CIART: variants seen among roughly 807,000 people sequenced by gnomAD.
The protein encoded by CIART is circadian associated repressor of transcription.
Under a neutral mutation model 22.1 loss-of-function variants are expected in CIART, and 7 were observed. That is an observed-to-expected ratio of 0.32 (90% CI 0.18 to 0.59). The LOEUF is 0.59. Among genes scored for constraint, CIART ranks in the 20% least tolerant of loss-of-function variants. The pLI is 0.86. For synonymous variants in CIART, 163 were observed against 174.6 expected (o/e 0.93, Z 0.53); for missense variants, 440 against 478.0 (o/e 0.92, Z 0.74).
At position 150,283,368 on chromosome 1, in the gene CIART, G is replaced by A; in HGVS notation, c.101G>A (p.Ser34Asn). 2 of 1,599,396 alleles carry A rather than the reference G, an allele frequency of 1.3e-6. No homozygotes were observed. Among genetic ancestry groups the A allele is most frequent in the African/African-American group, 1.3e-5 (1 of 74,470 alleles). ...VNSDFGFPSD[S>N]EREDKGAHGP... is the part of the protein sequence containing the mutation. Reference sequence around the variant, plus strand: ...AGTGACTTTGGCTTCCCCTCTGATAGTGAGAGGGAGGACAAGGGGGCCCAT... The same window carrying A: ...AGTGACTTTGGCTTCCCCTCTGATAATGAGAGGGAGGACAAGGGGGCCCAT... The change falls in exon 1 of 5, where the codon AGT becomes AAT. Residue 34 changes from serine (S) to asparagine (N), a missense_variant. Physicochemically the swap from Ser to Asn is conservative, Grantham distance 46. Transcript: ENST00000290363.
At position 150,283,257 on chromosome 1, in the gene CIART, C is replaced by T; in HGVS notation, c.-11C>T. On this transcript the variant is annotated 5_prime_UTR_variant, in exon 1 of 5. Transcript: ENST00000290363. Reference sequence around the variant, plus strand: ...TCCAGGAGCTGTTCTATAGCCCCTGCTTCTGGACCTATGGATTCTCCATCT... The same window carrying T: ...TCCAGGAGCTGTTCTATAGCCCCTGTTTCTGGACCTATGGATTCTCCATCT... The T allele has an allele frequency of 6.6e-7, 1 of 1,514,802 alleles. No individual in the cohort carries two copies. Among genetic ancestry groups the T allele is most frequent in the African/African-American group, 1.4e-5 (1 of 71,696 alleles). The allele number at this position is 1,514,802 out of a possible 1,614,324, so 93.8% of individuals were successfully genotyped here.
rs1553853937 is a variant in CIART at position 150,283,442 on chromosome 1, C to A, written c.175C>A (p.Pro59Thr). The change falls in exon 1 of 5, where the codon CCG becomes ACG. Residue 59 changes from proline to threonine, a missense_variant. By Grantham distance (38) the Pro-to-Thr change is conservative (BLOSUM62 -1). Coordinates refer to ENST00000290363, the MANE Select transcript of CIART (RefSeq NM_144697.4). Reference sequence around the variant, plus strand: ...GCAGAGGGGAGGTTCACGGCCCAGCCCGGGTCCTATCCGCTGCAGGCATCG... The same window carrying A: ...GCAGAGGGGAGGTTCACGGCCCAGCACGGGTCCTATCCGCTGCAGGCATCG... ...VGQRGGSRPS[P>T]GPIRCRHRSK... 6.2e-7 allele frequency: 1 copy of A among 1,614,220 alleles called. No individual in the cohort carries two copies. Among genetic ancestry groups the A allele is most frequent in the South Asian group, 1.1e-5 (1 of 91,084 alleles).
intron 4 of CIART, among the ~76,000 whole-genome samples, chr1:150,286,077 G>A (rs2101893923): frequency 6.9e-6 from 1 of 145,088 alleles, no homozygotes; most frequent in African/African-American, 2.6e-5. Flanking sequence ...CAGAATTTGG[G>A]AAATGATGAT....
At chr1:150,285,124 G>GCC in intron 4 of CIART, 1 of 224,332 alleles carries the variant, frequency 4.5e-6, no homozygotes. Context: ...CAAACCCTTT[G>GCC]ACAGTTTTTG....
Position 150,283,318 on chromosome 1 carries a change from G to A in CIART, c.51G>A (p.Ser17=), listed in dbSNP as rs144127987. ...VSSYSSYSLS[S]SFPTSPVNSD... ...CCTATTCCTCCTACTCTCTCTCTTCGTCTTTTCCCACCTCCCCAGTGAACA... is the reference window on the plus strand; with the variant it reads ...CCTATTCCTCCTACTCTCTCTCTTCATCTTTTCCCACCTCCCCAGTGAACA... The change falls in exon 1 of 5, where the codon TCG becomes TCA. Residue 17 remains serine, a synonymous_variant. Transcript: ENST00000290363. 114 of 1,541,690 alleles carry A rather than the reference G, an allele frequency of 7.4e-5. No homozygotes were observed. The highest frequency in any genetic ancestry group is 9.6e-5 in the Non-Finnish European group (110 of 1,146,944).
chr1:150,285,067 A>C, intron 4 of CIART: 2 of 249,016 alleles, frequency 8.0e-6, no homozygotes, highest in Non-Finnish European at 7.8e-6. Context: ...CTGCCCCCAA[A>C]CCCTTCCCTT....
Position 150,287,048 on chromosome 1 carries a change from G to T in CIART, c.*94G>T. The T allele has an allele frequency of 8.2e-7, 1 of 1,225,072 alleles. No homozygotes were observed. Among genetic ancestry groups the T allele is most frequent in the South Asian group, 2.1e-5 (1 of 47,842 alleles). 75.9% of individuals were successfully genotyped at this position (1,225,072 alleles called of 1,614,324 possible). ...CTATTAATGTGTGCATTTGTGTTGA[G>T]GGAAGATAAATCCTTTCTGATTAAA... is the stretch of plus-strand genomic sequence containing the variant. On this transcript the variant is annotated 3_prime_UTR_variant, in exon 5 of 5. Transcript: ENST00000290363.
Position 150,286,795 on chromosome 1 carries a change from T to C in CIART, c.999T>C (p.Pro333=), listed in dbSNP as rs1553854778. The C allele has an allele frequency of 3.7e-6, 6 of 1,613,652 alleles. No homozygotes were observed. The highest frequency in any genetic ancestry group is 1.6e-4 in the Middle Eastern group (1 of 6,082). Reference sequence around the variant, plus strand: ...CTATGAAACTATCTGGAGAGGGTCCTCGTTGCTACAGTTTGCCAGTAACTC... The same window carrying C: ...CTATGAAACTATCTGGAGAGGGTCCCCGTTGCTACAGTTTGCCAGTAACTC... ...GEPMKLSGEG[P]RCYSLPVTLP... is the part of the protein sequence containing the mutation. The change falls in exon 5 of 5, where the codon CCT becomes CCC. Residue 333 remains proline (P), a synonymous_variant. Transcript: ENST00000290363.
Position 150,286,637 on chromosome 1 carries a change from C to T in CIART, c.841C>T (p.His281Tyr), listed in dbSNP as rs1653504151. The change falls in exon 5 of 5, where the codon CAT becomes TAT. Residue 281 changes from histidine to tyrosine, a missense_variant. Transcript: ENST00000290363. ...CTCCCCAGGTACTATCTCCTTTAGCCATGGTCCTTTAGGCACTGGAACCGG... is the reference window on the plus strand; with the variant it reads ...CTCCCCAGGTACTATCTCCTTTAGCTATGGTCCTTTAGGCACTGGAACCGG... ...LSSPGTISFS[H>Y]GPLGTGTGIG... is the part of the protein sequence containing the mutation. 1.2e-6 allele frequency: 2 copies of T among 1,613,344 alleles called. No individual in the cohort carries two copies. The highest frequency in any genetic ancestry group is 1.7e-6 in the Non-Finnish European group (2 of 1,179,356).
At chr1:150,284,778 GC>G in intron 4 of CIART, 70 bp downstream of exon 4, 1 of 1,126,698 alleles carries the variant, frequency 8.9e-7, no homozygotes, top group Non-Finnish European at 1.3e-6. Flanking sequence ...TGCAGAAATG[GC>G]CCCTTTTGCC....
chr1:150,286,824 C>G lies in CIART; in HGVS notation c.1028C>G (p.Pro343Arg). The part of the protein sequence containing the change: ...PRCYSLPVTL[P>R]SDWSYTLSPP... Reference sequence around the variant, plus strand: ...TGCTACAGTTTGCCAGTAACTCTGCCATCAGACTGGAGCTATACCCTATCC... The same window carrying G: ...TGCTACAGTTTGCCAGTAACTCTGCGATCAGACTGGAGCTATACCCTATCC... The change falls in exon 5 of 5, where the codon CCA becomes CGA. Residue 343 changes from proline (P) to arginine (R), a missense_variant. Coordinates refer to ENST00000290363, the MANE Select transcript of CIART (RefSeq NM_144697.4). 6.2e-7 allele frequency: 1 copy of G among 1,613,606 alleles called. No homozygotes were observed. Among genetic ancestry groups the G allele is most frequent in the Non-Finnish European group, 8.5e-7 (1 of 1,179,634 alleles).
chr1:150,286,398 A>T (rs1553854617), intron 4 of CIART, 32 bp from the exon 5 acceptor site: 12 of 1,516,280 alleles, frequency 7.9e-6, no homozygotes, highest in Non-Finnish European at 1.1e-5. Context: ...CTTTCTCCAC[A>T]TTTCTTTTTT....
rs782327974 is a variant in CIART, at chr1:150,286,603, C to T, written c.807C>T (p.Pro269=). Residue 269 remains proline, a synonymous_variant, in exon 5 of 5, where the codon CCC becomes CCT. Coordinates refer to ENST00000290363, the MANE Select transcript of CIART (RefSeq NM_144697.4). ...TWIHTTPICN[P]PLSSPGTISF... Reference sequence around the variant, plus strand: ...TCCACACCACTCCAATTTGCAACCCCCCTCTCAGCTCCCCAGGTACTATCT... The same window carrying T: ...TCCACACCACTCCAATTTGCAACCCTCCTCTCAGCTCCCCAGGTACTATCT... 6.2e-7 allele frequency: 1 copy of T among 1,609,360 alleles called. No homozygotes were observed. The highest frequency in any genetic ancestry group is 8.5e-7 in the Non-Finnish European group (1 of 1,175,744).
rs1015391700 is a variant in CIART at position 150,286,966 on chromosome 1, C to T, written c.*12C>T. Reference sequence around the variant, plus strand: ...TTCTCAACCTCTAGCCCAGGGCATACAGCTGTCCACTGTGACTTCTAATTT... The same window carrying T: ...TTCTCAACCTCTAGCCCAGGGCATATAGCTGTCCACTGTGACTTCTAATTT... On this transcript the variant is annotated 3_prime_UTR_variant, in exon 5 of 5. Coordinates refer to ENST00000290363, the MANE Select transcript of CIART (RefSeq NM_144697.4). The T allele has an allele frequency of 1.3e-6, 2 of 1,523,990 alleles. No individual in the cohort carries two copies. Among genetic ancestry groups the T allele is most frequent in the Admixed American group, 2.1e-5 (1 of 46,616 alleles). 94.4% of individuals were successfully genotyped at this position (1,523,990 alleles called of 1,614,324 possible). A position where few individuals can be genotyped will look rare whatever the true frequency, so the allele number is the denominator to read the frequency against.
At position 150,286,718 on chromosome 1, in the gene CIART, C is replaced by T. The variant is rs782396603; in HGVS notation, c.922C>T (p.Pro308Ser). Residue 308 changes from proline to serine, a missense_variant, in exon 5 of 5, where the codon CCA (proline) becomes TCA (serine). Transcript: ENST00000290363. ...AGTGCAACCCTTCACCCACTCTGCC[C>T]CAACCACCCCAGTCCCACCTACTAC... Reference protein sequence around the residue: ...HGVQPFTHSAPTTPVPPTTAS... With the variant: ...HGVQPFTHSASTTPVPPTTAS... 6.2e-7 allele frequency: 1 copy of T among 1,613,620 alleles called. No homozygotes were observed. Among genetic ancestry groups the T allele is most frequent in the African/African-American group, 1.3e-5 (1 of 74,906 alleles).
At position 150,286,698 on chromosome 1, in the gene CIART, A is replaced by G; in HGVS notation, c.902A>G (p.Gln301Arg). Residue 301 changes from glutamine (Q) to arginine (R), a missense_variant, in exon 5 of 5, where the codon CAA becomes CGA. Physicochemically the swap from Gln to Arg is conservative, Grantham distance 43 (BLOSUM62 1). Transcript: ENST00000290363. The stretch of plus-strand genomic sequence containing the variant: ...ATTCTTTTCCTCCAGCATGGAGTGC[A>G]ACCCTTCACCCACTCTGCCCCAACC... Reference protein sequence around the residue: ...GVILFLQHGVQPFTHSAPTTP... With the variant: ...GVILFLQHGVRPFTHSAPTTP... The G allele has an allele frequency of 6.2e-7, 1 of 1,614,050 alleles. No individual in the cohort carries two copies. Among genetic ancestry groups the G allele is most frequent in the South Asian group, 1.1e-5 (1 of 91,072 alleles).
chr1:150,283,720 T>A, intron 1 of CIART, 85 bp from the exon 2 acceptor site: 1 of 1,562,764 alleles, frequency 6.4e-7, no homozygotes, highest in East Asian at 2.2e-5. Flanking sequence ...CAGTATTGAC[T>A]CCCAGATTTG....
At position 150,283,445 on chromosome 1, in the gene CIART, G is replaced by T; in HGVS notation, c.178G>T (p.Gly60Cys). The T allele has an allele frequency of 2.5e-6, 4 of 1,614,186 alleles. No individual in the cohort carries two copies. Among genetic ancestry groups the T allele is most frequent in the Non-Finnish European group, 3.4e-6 (4 of 1,180,040 alleles). The change falls in exon 1 of 5, where the codon GGT becomes TGT. Residue 60 changes from glycine to cysteine, a missense_variant. Transcript: ENST00000290363. ...GAGGGGAGGTTCACGGCCCAGCCCG[G>T]GTCCTATCCGCTGCAGGCATCGATC... ...GQRGGSRPSP[G>C]PIRCRHRSKV...
intron 4 of CIART, chr1:150,285,122 T>TTAA: frequency 1.5e-5 from 3 of 205,178 alleles, no homozygotes; most frequent in Non-Finnish European, 2.0e-5. Context: ...GCCAAACCCT[T>TTAA]TGACAGTTTT....
Sources: gnomAD v4.1 joint callset for allele counts (sites outside exome capture counted in the v4.1 genomes callset) on GRCh38, gnomAD v4.1.1 for gene constraint, MANE v1.5 for transcripts, NCBI Gene and HGNC (gene_info 2026-07-23, HGNC 2026-07-21) for gene names.